Variants in LAMA2 observed in about 807,000 individuals in gnomAD.
LAMA2 encodes laminin subunit alpha-2.
A neutral mutation model predicts 364.8 loss-of-function variants in LAMA2; 269 were observed. The ratio of observed to expected loss-of-function variants is 0.74; its 90% CI spans 0.67 to 0.82. The LOEUF (loss-of-function observed/expected upper bound fraction) is 0.82. LAMA2 is among the 40% of genes least tolerant of loss of function. The probability of loss-of-function intolerance (pLI) is 0.00; values close to 1 mark genes in which losing one functional copy is unlikely to be tolerated. For synonymous variants in LAMA2, 1,379 were observed against 1,370.6 expected, an observed-to-expected ratio of 1.01 and a Z score of -0.14; for missense variants, 3,807 against 3,873.2, an observed-to-expected ratio of 0.98 and a Z score of 0.45.
intron 1 of LAMA2, among the ~76,000 whole-genome samples, chr6:128,964,198 A>G (rs1011567975): frequency 1.3e-5 from 2 of 152,104 alleles, no homozygotes; most frequent in African/African-American, 4.8e-5. Context: ...TATTATTACT[A>G]ACAAAAAAAT....
intron 21 of LAMA2, among the ~76,000 whole-genome samples, chr6:129,299,145 A>G (rs998910316): frequency 5.0e-4 from 75 of 149,496 alleles, no homozygotes; most frequent in African/African-American, 1.8e-3. Context: ...AACACCATAG[A>G]AAAAAAAAAG....
At chr6:129,435,831 C>A (rs1468006571) in intron 41 of LAMA2, among the ~76,000 whole-genome samples, 2 of 152,124 alleles carry the variant, frequency 1.3e-5, no homozygotes, top group Non-Finnish European at 2.9e-5. Context: ...CCACCTTTCC[C>A]TTTGCTATTC....
chr6:129,450,943 T>C (rs1192875534), intron 45 of LAMA2, among the ~76,000 whole-genome samples: 1 of 152,228 alleles, frequency 6.6e-6, no homozygotes, highest in African/African-American at 2.4e-5. Context: ...ATAATGATTT[T>C]GGTTCACTTT....
chr6:129,083,837 T>A (rs1774213928), intron 3 of LAMA2, among the ~76,000 whole-genome samples: 1 of 152,208 alleles, frequency 6.6e-6, no homozygotes, highest in African/African-American at 2.4e-5. Context: ...TTAACGAGGC[T>A]TAATATGGAC....
chr6:129,183,620 T>G (rs576787192), intron 10 of LAMA2, among the ~76,000 whole-genome samples: 13 of 151,906 alleles, frequency 8.6e-5, no homozygotes, highest in Non-Finnish European at 1.8e-4. Flanking sequence ...TAAGTTCTAT[T>G]CAGATTTCTT....
At chr6:129,439,940 T>C (rs1264225998) in intron 42 of LAMA2, among the ~76,000 whole-genome samples, 6 of 151,454 alleles carry the variant, frequency 4.0e-5, no homozygotes, top group Non-Finnish European at 7.4e-5. Flanking sequence ...GCTAATTAGG[T>C]ATTCATACAG....
chr6:128,923,530 A>G (rs1778882880), intron 1 of LAMA2, among the ~76,000 whole-genome samples: 1 of 152,142 alleles, frequency 6.6e-6, no homozygotes, highest in Non-Finnish European at 1.5e-5. Context: ...AGATACCTAA[A>G]TTAGGAAACA....
At chr6:129,383,307 G>A in intron 35 of LAMA2, 74 bp downstream of exon 35, 1 of 1,145,276 alleles carries the variant, frequency 8.7e-7, no homozygotes, top group Non-Finnish European at 1.3e-6. Context: ...CACAGGACTG[G>A]AATTTCTCTT....
chr6:129,437,059 AGG>A (rs1781867983), intron 41 of LAMA2: 2 of 152,114 alleles, frequency 1.3e-5, no homozygotes, highest in African/African-American at 4.8e-5. Flanking sequence ...GGAAAGGAGG[AGG>A]ACAGGAAGAA....
At position 128,934,434 on chromosome 6, in the gene LAMA2, T is replaced by C. The variant is rs915412297; in HGVS notation, c.112+51077T>C. ...ATTTTGGGTCATTTGTGATTTCATA[T>C]GAATTTTAATTATTAAAATTCTTAT... On this transcript the variant is annotated intron_variant, in intron 1 of 64. Coordinates refer to ENST00000421865, the MANE Select transcript of LAMA2 (RefSeq NM_000426.4). Among the ~76,000 whole-genome samples, 3 of 152,294 alleles carry C rather than the reference T, an allele frequency of 2.0e-5. 1 individual carries two copies. In the South Asian group the frequency reaches 6.2e-4, roughly 32 times the overall value.
intron 17 of LAMA2, among the ~76,000 whole-genome samples, chr6:129,275,497 A>G (rs763422439): frequency 3.3e-5 from 5 of 152,070 alleles, no homozygotes; most frequent in Admixed American, 6.6e-5. Flanking sequence ...AAAAAAATCA[A>G]TAGAATTTAA....
intron 3 of LAMA2, among the ~76,000 whole-genome samples, chr6:129,071,671 T>G (rs1437368367): frequency 6.6e-6 from 1 of 152,216 alleles, no homozygotes; most frequent in African/African-American, 2.4e-5. Context: ...CTGAGTTATA[T>G]AGAAGTGAAG....
chr6:129,052,439 C>T (rs1449410460), intron 2 of LAMA2, among the ~76,000 whole-genome samples: 2 of 151,910 alleles, frequency 1.3e-5, no homozygotes, highest in African/African-American at 2.4e-5. Context: ...TGAGCCACCG[C>T]GCCCGGCCTT....
At chr6:129,363,342 T>C (rs1292232910) in intron 32 of LAMA2, among the ~76,000 whole-genome samples, 1 of 152,158 alleles carries the variant, frequency 6.6e-6, no homozygotes, top group Non-Finnish European at 1.5e-5. Flanking sequence ...GGTTAGACCT[T>C]ACCACAGACC....
chr6:129,293,314 A>G (rs1789848663), intron 20 of LAMA2, among the ~76,000 whole-genome samples: 1 of 152,244 alleles, frequency 6.6e-6, no homozygotes. Context: ...TTAACCATGA[A>G]TATGTGGAAA....
chr6:129,267,600 T>C (rs1007669699), intron 16 of LAMA2, among the ~76,000 whole-genome samples: 14 of 152,170 alleles, frequency 9.2e-5, no homozygotes, highest in African/African-American at 3.4e-4. Context: ...AAGTGTAAAA[T>C]ATAACCTTTA....
At chr6:129,452,501 G>A (rs1456267553) in intron 45 of LAMA2, among the ~76,000 whole-genome samples, 3 of 152,028 alleles carry the variant, frequency 2.0e-5, no homozygotes, top group Non-Finnish European at 4.4e-5. Context: ...AAATCTATTT[G>A]TCCTCTTTCA....
intron 24 of LAMA2, among the ~76,000 whole-genome samples, chr6:129,315,059 T>G (rs1774492625): frequency 1.3e-5 from 2 of 152,086 alleles, no homozygotes; most frequent in South Asian, 4.1e-4. Context: ...CGGGAAGCAT[T>G]ATGTTTTGAG....
intron 10 of LAMA2, among the ~76,000 whole-genome samples, chr6:129,183,940 T>C (rs1781080239): frequency 6.6e-6 from 1 of 151,928 alleles, no homozygotes; most frequent in South Asian, 2.1e-4. Context: ...TCGTGAAGCT[T>C]TGACAGTCAT....
Sources: allele counts gnomAD v4.1 joint callset (sites outside exome capture counted in the v4.1 genomes callset), GRCh38; gene constraint gnomAD v4.1.1; transcripts MANE v1.5; gene names NCBI Gene and HGNC (gene_info 2026-07-23, HGNC 2026-07-21).